Variants in ARHGEF11 observed in about 807,000 individuals in gnomAD.
The protein encoded by ARHGEF11 is Rho guanine nucleotide exchange factor 11.
ARHGEF11 carries 55 observed loss-of-function variants against 193.7 expected under a neutral mutation model. The ratio of observed to expected loss-of-function variants is 0.28; its 90% CI spans 0.23 to 0.36. The LOEUF (loss-of-function observed/expected upper bound fraction) is 0.36. Among genes scored for constraint, ARHGEF11 ranks in the 10% least tolerant of loss-of-function variants. The pLI is 1.00. For synonymous variants in ARHGEF11, 693 were observed against 768.0 expected (o/e 0.90, Z 1.62); for missense variants, 1,723 against 2,005.6 (o/e 0.86, Z 2.69).
chr1:156,981,707 TC>T (rs1340156916), intron 3 of ARHGEF11, among the ~76,000 whole-genome samples: 1 of 152,184 alleles, frequency 6.6e-6, no homozygotes, highest in Non-Finnish European at 1.5e-5. Flanking sequence ...ACTCCTGAGC[TC>T]AGGCAATCCT....
chr1:156,937,171 C>T, intron 39 of ARHGEF11, 78 bp downstream of exon 39: 1 of 1,597,968 alleles, frequency 6.3e-7, no homozygotes, highest in Non-Finnish European at 8.5e-7. Flanking sequence ...CCCGCGAAGA[C>T]ACACATCTCA....
rs565746501 is a variant in ARHGEF11 at position 156,980,471 on chromosome 1, T to G, written c.239A>C (p.Lys80Thr). The G allele has an allele frequency of 6.2e-7, 1 of 1,600,374 alleles. No homozygotes were observed. Among genetic ancestry groups the G allele is most frequent in the South Asian group, 1.1e-5 (1 of 88,212 alleles). ...CCGGTCGCCCTCTTTCACACCGGCC[T>G]TCATGGCTGCACCTCCTGTAAGGAG... ...QSVRPGGAAM[K>T]AGVKEGDRII... Residue 80 changes from lysine to threonine, a missense_variant, in exon 4 of 41, where the codon AAG (lysine) becomes ACG (threonine). By Grantham distance (78) the Lys-to-Thr change is moderately conservative (BLOSUM62 -1). Transcript: ENST00000368194.
chr1:156,991,527 C>T (rs915531354), intron 1 of ARHGEF11, among the ~76,000 whole-genome samples: 2 of 151,838 alleles, frequency 1.3e-5, no homozygotes, highest in Admixed American at 6.6e-5. Context: ...GCCATGTTGC[C>T]CAGGCTGGTC....
chr1:157,019,643 C>T (rs766534405), intron 1 of ARHGEF11, among the ~76,000 whole-genome samples: 3 of 152,138 alleles, frequency 2.0e-5, no homozygotes, highest in African/African-American at 4.8e-5. Flanking sequence ...AACAGATACA[C>T]AAATTACTCA....
At chr1:156,965,597 T>C (rs1160944426) in intron 11 of ARHGEF11, among the ~76,000 whole-genome samples, 2 of 152,312 alleles carry the variant, frequency 1.3e-5, no homozygotes, top group East Asian at 1.9e-4. Flanking sequence ...CCCCTCCACA[T>C]TGTAAGAATA....
Position 156,941,873 on chromosome 1 carries a change from G to A in ARHGEF11, c.3443C>T (p.Thr1148Ile). The A allele has an allele frequency of 6.2e-7, 1 of 1,610,576 alleles. No individual in the cohort carries two copies. Among genetic ancestry groups the A allele is most frequent in the East Asian group, 2.2e-5 (1 of 44,862 alleles). ...GPREPAQQGP[T>I]PSRVELDDSD... is the part of the protein sequence containing the mutation. ...GGGCTAAGCACTGCACCTGCTGGGT[G>A]TGGGGCCCTGCTGGGCTGGCTCCCG... is the stretch of plus-strand genomic sequence containing the variant. Residue 1148 changes from threonine (T) to isoleucine (I), a missense_variant, in exon 34 of 41, where the codon ACA (threonine) becomes ATA (isoleucine). This residue lies in a region of ARHGEF11 where 203 missense variants were observed against 237.3 expected (regional missense o/e 0.86). Transcript: ENST00000368194.
chr1:156,969,355 C>A lies in ARHGEF11; in HGVS notation c.752G>T (p.Arg251Leu). Residue 251 changes from arginine to leucine, a missense_variant, in exon 10 of 41, where the codon CGG (arginine) becomes CTG (leucine). Transcript: ENST00000368194. The part of the protein sequence containing the change: ...GDTSQRPSEG[R>L]LSLDSQEGDS... ...CCCCTCCTGGGAATCCAGAGAGAGCCGGCCTGAGAAGAAAATAGTTTCTAT... is the reference window on the plus strand; with the variant it reads ...CCCCTCCTGGGAATCCAGAGAGAGCAGGCCTGAGAAGAAAATAGTTTCTAT... 1.2e-6 allele frequency: 2 copies of A among 1,605,978 alleles called. No individual in the cohort carries two copies. Among genetic ancestry groups the A allele is most frequent in the Non-Finnish European group, 1.7e-6 (2 of 1,175,800 alleles).
Position 156,948,040 on chromosome 1 carries a change from C to G in ARHGEF11, c.2154-84G>C, listed in dbSNP as rs1480761776. 3.9e-6 allele frequency: 6 copies of G among 1,556,576 alleles called. No individual in the cohort carries two copies. The African/African-American group carries it at 8.1e-5, about 21-fold the overall frequency. On this transcript the variant is annotated intron_variant, in intron 24 of 40. Transcript: ENST00000368194. The surrounding 1 kb of genome is among the most constrained non-coding windows in gnomAD (Gnocchi z 4.2). ...GGCCCTCCCTCTCCTGCCCGACCTG[C>G]TTGCCCCATGCACATGGGAAACCAG... is the stretch of plus-strand genomic sequence containing the variant.
At chr1:157,023,536 C>T (rs1192416251) in intron 1 of ARHGEF11, among the ~76,000 whole-genome samples, 4 of 152,120 alleles carry the variant, frequency 2.6e-5, no homozygotes, top group South Asian at 2.1e-4. Context: ...GAGGCCAAGG[C>T]GGGCAGATCA....
At position 156,978,394 on chromosome 1, in the gene ARHGEF11, C is replaced by G. The variant is rs1049423661; in HGVS notation, c.332-12G>C. 1.6e-5 allele frequency: 26 copies of G among 1,576,532 alleles called. 1 individual carries two copies. The South Asian group carries it at 2.7e-4, about 17-fold the overall frequency. Reference sequence around the variant, plus strand: ...GACATAGGCGCCAGCTAGAGGGAAACAGAGAGAGACTTGTTCCAGGAGTGC... The same window carrying G: ...GACATAGGCGCCAGCTAGAGGGAAAGAGAGAGAGACTTGTTCCAGGAGTGC... On this transcript the variant is annotated splice_polypyrimidine_tract_variant and intron_variant, in intron 5 of 40. Coordinates refer to ENST00000368194, the MANE Select transcript of ARHGEF11 (RefSeq NM_198236.3).
intron 14 of ARHGEF11, among the ~76,000 whole-genome samples, chr1:156,961,224 A>G (rs1366156023): frequency 6.6e-6 from 1 of 152,156 alleles, no homozygotes; most frequent in East Asian, 1.9e-4. Context: ...TATCCCAGAC[A>G]CTCTGGGGCC....
At chr1:156,954,863 G>A (rs1411280099) in intron 21 of ARHGEF11, 29 bp downstream of exon 21, 1 of 1,595,374 alleles carries the variant, frequency 6.3e-7, no homozygotes. Flanking sequence ...CTAATGCAAA[G>A]ACAAACCCAA....
At chr1:156,946,582 G>A in intron 28 of ARHGEF11, 80 bp downstream of exon 28, 2 of 1,595,662 alleles carry the variant, frequency 1.3e-6, no homozygotes, top group Non-Finnish European at 1.7e-6. Context: ...GGATGATGTG[G>A]CCAGAAGGAG....
At chr1:157,037,998 C>T (rs1672263834) in intron 1 of ARHGEF11, among the ~76,000 whole-genome samples, 1 of 136,066 alleles carries the variant, frequency 7.3e-6, no homozygotes, top group Non-Finnish European at 1.5e-5. Context: ...CGCCACTGCA[C>T]TCCAGCCTGG....
chr1:156,978,199 A>G lies in ARHGEF11; in HGVS notation c.510+5T>C. 3.1e-6 allele frequency: 5 copies of G among 1,614,178 alleles called. No homozygotes were observed. The highest frequency in any genetic ancestry group is 4.2e-6 in the Non-Finnish European group (5 of 1,180,014). ...GTGAGGAAAGAAAGCCAGGAGGATT[A>G]TTACCTGCAGAGGTTTGGGTCCTGT... On this transcript the variant is annotated splice_donor_5th_base_variant and intron_variant, in intron 6 of 40. Coordinates refer to ENST00000368194, the MANE Select transcript of ARHGEF11 (RefSeq NM_198236.3).
At chr1:156,953,439 A>G (rs1659414604) in intron 21 of ARHGEF11, among the ~76,000 whole-genome samples, 1 of 152,194 alleles carries the variant, frequency 6.6e-6, no homozygotes, top group Non-Finnish European at 1.5e-5. Flanking sequence ...CCCTGTCTCA[A>G]AACACAAAAA....
At chr1:156,937,057 C>G in intron 39 of ARHGEF11, 52 bp from the exon 40 acceptor site, 1 of 1,593,008 alleles carries the variant, frequency 6.3e-7, no homozygotes, top group Non-Finnish European at 8.6e-7. Context: ...TTCCTAAGGC[C>G]CCTGGGGAAG....
chr1:156,963,167 G>T (rs759198991), intron 13 of ARHGEF11, 36 bp downstream of exon 13: 5 of 1,527,386 alleles, frequency 3.3e-6, no homozygotes, highest in African/African-American at 1.4e-5. Context: ...CCCAGTACCA[G>T]CAGGCACTCA....
Position 156,968,012 on chromosome 1 carries a change from G to A in ARHGEF11, c.938C>T (p.Ala313Val), listed in dbSNP as rs1267871600. Residue 313 changes from alanine to valine, a missense_variant, in exon 11 of 41, where the codon GCA (alanine) becomes GTA (valine). This residue lies in a region of ARHGEF11 where 646 missense variants were observed against 710.7 expected (regional missense o/e 0.91). Coordinates refer to ENST00000368194, the MANE Select transcript of ARHGEF11 (RefSeq NM_198236.3). ...AQHHRRQGSD[A>V]AVPSTGDQGV... ...CTGGTCACCGGTTGAGGGGACTGCT[G>A]CATCCGAGCCCTGCCGCCTGTGGTG... is the stretch of plus-strand genomic sequence containing the variant. 1.2e-6 allele frequency: 2 copies of A among 1,614,236 alleles called. No individual in the cohort carries two copies. Among genetic ancestry groups the A allele is most frequent in the South Asian group, 1.1e-5 (1 of 91,084 alleles).
Sources: gnomAD v4.1 joint callset for allele counts (sites outside exome capture counted in the v4.1 genomes callset) on GRCh38, gnomAD v4.1.1 for gene constraint, gnomAD v4.1.1 regional missense constraint, Gnocchi (gnomAD v3.1) non-coding constraint, MANE v1.5 for transcripts, NCBI Gene and HGNC (gene_info 2026-07-23, HGNC 2026-07-21) for gene names.